The following TXLNG variants were observed in gnomAD, a reference collection of about 807,000 sequenced individuals.
TXLNG encodes gamma-taxilin.
A neutral mutation model predicts 38.8 loss-of-function variants in TXLNG; 5 were observed. That is an observed-to-expected ratio of 0.13 (90% CI 0.07 to 0.27). TXLNG has a LOEUF of 0.27. Among genes scored for constraint, TXLNG ranks in the 10% least tolerant of loss-of-function variants. The probability of loss-of-function intolerance (pLI) is 1.00; values close to 1 mark genes in which losing one functional copy is unlikely to be tolerated. For synonymous variants in TXLNG, 182 were observed against 158.2 expected (o/e 1.15, Z -1.13); for missense variants, 393 against 398.2 (o/e 0.99, Z 0.11).
At position 16,842,191 on chromosome X, in the gene TXLNG, A is replaced by C. The variant is rs1171827835; in HGVS notation, c.*425A>C. Reference sequence around the variant, plus strand: ...TATTATTCAGAAAAACAAAATACCAAGGCGATTAGTTTTGTCTAATAACCC... The same window carrying C: ...TATTATTCAGAAAAACAAAATACCACGGCGATTAGTTTTGTCTAATAACCC... On this transcript the variant is annotated 3_prime_UTR_variant, in exon 10 of 10. Coordinates refer to ENST00000380122, the MANE Select transcript of TXLNG (RefSeq NM_018360.3). 3 of 105,066 alleles carry C rather than the reference A, an allele frequency of 2.9e-5. No individual in the cohort carries two copies. The highest frequency in any genetic ancestry group is 1.1e-4 in the African/African-American group (3 of 28,540). The allele number at this position is 105,066 out of a possible 1,213,427, so 8.7% of individuals were successfully genotyped here. A position where few individuals can be genotyped will look rare whatever the true frequency, so the allele number is the denominator to read the frequency against.
chrX:16,792,123 C>T (rs1335412975), intron 1 of TXLNG, among the ~76,000 whole-genome samples: 1 of 111,957 alleles, frequency 8.9e-6, no homozygotes. Context: ...GTGTTTCATG[C>T]ACTGTGTTAG....
At position 16,843,542 on chromosome X, in the gene TXLNG, G is replaced by A. The variant is rs1327904113; in HGVS notation, c.*1776G>A. ...CTAGACTCATTTCCCTGGTGGTGGG[G>A]GGGAATGCAGGTATAGATCAGAAAT... On this transcript the variant is annotated 3_prime_UTR_variant, in exon 10 of 10. Coordinates refer to ENST00000380122, the MANE Select transcript of TXLNG (RefSeq NM_018360.3). 8.9e-6 allele frequency: 1 copy of A among 112,161 alleles called. No homozygotes were observed. Among genetic ancestry groups the A allele is most frequent in the African/African-American group, 3.2e-5 (1 of 30,828 alleles). The allele number at this position is 112,161 out of a possible 1,213,427, so 9.2% of individuals were successfully genotyped here. A position where few individuals can be genotyped will look rare whatever the true frequency, so the allele number is the denominator to read the frequency against.
intron 6 of TXLNG, among the ~76,000 whole-genome samples, chrX:16,833,430 C>T (rs977109259): frequency 2.7e-5 from 3 of 111,892 alleles, no homozygotes; most frequent in Non-Finnish European, 5.6e-5. Context: ...GTTGCATCCA[C>T]AGCCCTGACA....
At position 16,841,415 on chromosome X, in the gene TXLNG, T is replaced by A; in HGVS notation, c.1249-13T>A. The A allele has an allele frequency of 8.5e-7, 1 of 1,177,922 alleles. No individual in the cohort carries two copies. Among genetic ancestry groups the A allele is most frequent in the Non-Finnish European group, 1.1e-6 (1 of 879,954 alleles). ...ATTTAACAGGGTTACAGAAATCCTCTTTTTTCTTACAGAAAACAGTCCGTG... is the reference window on the plus strand; with the variant it reads ...ATTTAACAGGGTTACAGAAATCCTCATTTTTCTTACAGAAAACAGTCCGTG... On this transcript the variant is annotated splice_polypyrimidine_tract_variant and intron_variant, in intron 9 of 9. Transcript: ENST00000380122.
chrX:16,789,034 G>GAA, intron 1 of TXLNG, among the ~76,000 whole-genome samples: 1 of 111,135 alleles, frequency 9.0e-6, no homozygotes, highest in South Asian at 3.7e-4. Flanking sequence ...ATTTCTTTTG[G>GAA]GTCACTGACT....
intron 8 of TXLNG, among the ~76,000 whole-genome samples, chrX:16,839,030 C>T (rs181586594): frequency 5.4e-5 from 6 of 111,926 alleles, no homozygotes; most frequent in East Asian, 2.8e-4. Context: ...CTCAATGCCC[C>T]GACCTGGATC....
intron 1 of TXLNG, among the ~76,000 whole-genome samples, chrX:16,817,404 T>G (rs1212268918): frequency 8.9e-6 from 1 of 112,434 alleles, no homozygotes; most frequent in Non-Finnish European, 1.9e-5. Flanking sequence ...TATAAGATTT[T>G]ATTTTCCTTA....
In TXLNG at chrX:16,825,545, CTTGT is replaced by C. The variant is rs760854496; in HGVS notation, c.499-2542_499-2539del. ...GTGGTGTGTTTTTATTTTTTATCTA[CTTGT>C]TTGTTTATTTTTCAGACAGGGTCTC... On this transcript the variant is annotated intron_variant, in intron 3 of 9. Coordinates refer to ENST00000380122, the MANE Select transcript of TXLNG (RefSeq NM_018360.3). 1.1e-4 allele frequency among the ~76,000 whole-genome samples: 12 copies of C among 111,718 alleles called. No individual in the cohort carries two copies. In the East Asian group the frequency reaches 2.0e-3, roughly 18 times the overall value.
At chrX:16,793,783 A>G (rs775142375) in intron 1 of TXLNG, among the ~76,000 whole-genome samples, 1 of 109,060 alleles carries the variant, frequency 9.2e-6, no homozygotes, top group South Asian at 4.0e-4. Context: ...AGCTAGGACT[A>G]CAGGTGTGTG....
intron 1 of TXLNG, among the ~76,000 whole-genome samples, chrX:16,798,477 T>C (rs962355261): frequency 8.9e-6 from 1 of 112,090 alleles, no homozygotes; most frequent in Non-Finnish European, 1.9e-5. Context: ...AGTTTGTCTA[T>C]TTAAAACATG....
intron 1 of TXLNG, among the ~76,000 whole-genome samples, chrX:16,792,510 GT>G (rs1225020809): frequency 1.8e-5 from 2 of 111,397 alleles, no homozygotes; most frequent in Non-Finnish European, 3.8e-5. Flanking sequence ...GCCAGGCATG[GT>G]GGCTCATGCT....
intron 7 of TXLNG, among the ~76,000 whole-genome samples, 182 bp from the exon 8 acceptor site, chrX:16,837,411 T>C (rs1929632899): frequency 8.9e-6 from 1 of 112,252 alleles, no homozygotes; most frequent in Non-Finnish European, 1.9e-5. Context: ...GTCCTCAGTT[T>C]TAATGCATTT....
intron 3 of TXLNG, among the ~76,000 whole-genome samples, chrX:16,826,395 A>G (rs1020605479): frequency 9.8e-5 from 11 of 111,817 alleles, no homozygotes; most frequent in African/African-American, 3.6e-4. Flanking sequence ...TCAAATTGTG[A>G]CTCAGCATCA....
In TXLNG at chrX:16,842,119, A is replaced by T; in HGVS notation, c.*353A>T. ...ACTTTGTTCTGACGATGGTTCCTTG[A>T]TGTGAAAACAATATTAATTTAAACG... On this transcript the variant is annotated 3_prime_UTR_variant, in exon 10 of 10. Transcript: ENST00000380122. 1 of 140,022 alleles carries T rather than the reference A, an allele frequency of 7.1e-6. No individual in the cohort carries two copies. Among genetic ancestry groups the T allele is most frequent in the South Asian group, 3.0e-4 (1 of 3,304 alleles). The allele number at this position is 140,022 out of a possible 1,213,427, so 11.5% of individuals were successfully genotyped here.
chrX:16,840,949 C>T (rs192685896), intron 9 of TXLNG, among the ~76,000 whole-genome samples: 396 of 111,564 alleles, frequency 3.5e-3, no homozygotes, highest in Non-Finnish European at 5.8e-3. Flanking sequence ...GTAATCCCAG[C>T]GCTTCGGGAG....
At chrX:16,814,636 CA>C (rs1432250290) in intron 1 of TXLNG, among the ~76,000 whole-genome samples, 2 of 111,062 alleles carry the variant, frequency 1.8e-5, no homozygotes, top group African/African-American at 6.5e-5. Context: ...TAGGCAGACT[CA>C]AAAGGCCACA....
At chrX:16,802,601 A>G (rs1237563988) in intron 1 of TXLNG, among the ~76,000 whole-genome samples, 1 of 110,741 alleles carries the variant, frequency 9.0e-6, no homozygotes, top group African/African-American at 3.3e-5. Context: ...AGAGCAAGGC[A>G]AAGGGAAAAG....
chrX:16,831,081 G>T (rs978809071), intron 5 of TXLNG, among the ~76,000 whole-genome samples: 9 of 111,245 alleles, frequency 8.1e-5, no homozygotes, highest in African/African-American at 2.6e-4. Flanking sequence ...ATATTTGAAT[G>T]TATAGCTCAA....
intron 1 of TXLNG, among the ~76,000 whole-genome samples, chrX:16,799,590 G>T (rs1433307204): frequency 9.0e-6 from 1 of 110,714 alleles, no homozygotes; most frequent in Non-Finnish European, 1.9e-5. Context: ...GGCCAACATG[G>T]TGAAACCCCA....
Sources: gnomAD v4.1 joint callset for allele counts (sites outside exome capture counted in the v4.1 genomes callset) on GRCh38, gnomAD v4.1.1 for gene constraint, MANE v1.5 for transcripts, NCBI Gene and HGNC (gene_info 2026-07-23, HGNC 2026-07-21) for gene names.